DEFB108B: variants seen among roughly 807,000 people sequenced by gnomAD.
DEFB108B encodes defensin beta 108B.
In DEFB108B, 3 loss-of-function variants were observed where a neutral mutation model predicts 2.4. That is an observed-to-expected ratio of 1.25 (90% CI 0.57 to 3.24). The LOEUF (loss-of-function observed/expected upper bound fraction) is 3.24, where lower values mean the gene tolerates loss of function less well. Among genes scored for constraint, DEFB108B ranks in the 30% most tolerant of loss-of-function variants. DEFB108B has a pLI of 0.03. For synonymous variants in DEFB108B, 25 were observed against 28.7 expected (o/e 0.87, Z 0.41); for missense variants, 101 against 87.8 (o/e 1.15, Z -0.60).
At position 71,837,476 on chromosome 11, in the gene DEFB108B, G is replaced by A; in HGVS notation, c.136G>A (p.Val46Ile). ...RDFCLETEIH[V>I]GRCLNSQPCC... ...CTTTTGCCTTGAAACAGAAATCCATGTTGGGAGATGTTTAAATAGCCAACC... is the reference window on the plus strand; with the variant it reads ...CTTTTGCCTTGAAACAGAAATCCATATTGGGAGATGTTTAAATAGCCAACC... Residue 46 changes from valine to isoleucine, a missense_variant, in exon 2 of 2, where the codon GTT becomes ATT. By Grantham distance (29) the Val-to-Ile change is conservative. Coordinates refer to ENST00000328698, the MANE Select transcript of DEFB108B (RefSeq NM_001002035.2). 1.2e-6 allele frequency: 2 copies of A among 1,611,988 alleles called. No homozygotes were observed. The highest frequency in any genetic ancestry group is 1.7e-6 in the Non-Finnish European group (2 of 1,179,854).
Position 71,837,276 on chromosome 11 carries a change from A to T in DEFB108B, c.59-123A>T, listed in dbSNP as rs535428713. 2.5e-5 allele frequency: 30 copies of T among 1,215,600 alleles called. No homozygotes were observed. In the Admixed American group the frequency reaches 3.2e-4, roughly 13 times the overall value. The allele number at this position is 1,215,600 out of a possible 1,614,324, so 75.3% of individuals were successfully genotyped here. Reference sequence around the variant, plus strand: ...GTTTAAGAAATCAAATCACACACACACACACACACACACACAAATCCACAC... The same window carrying T: ...GTTTAAGAAATCAAATCACACACACTCACACACACACACACAAATCCACAC... On this transcript the variant is annotated intron_variant, in intron 1 of 1. Coordinates refer to ENST00000328698, the MANE Select transcript of DEFB108B (RefSeq NM_001002035.2).
intron 1 of DEFB108B, among the ~76,000 whole-genome samples, chr11:71,835,318 T>C (rs1049001735): frequency 1.3e-5 from 2 of 152,160 alleles, no homozygotes; most frequent in African/African-American, 4.8e-5. Context: ...GGCCCCCCCT[T>C]ATAACTGAGA....
chr11:71,837,488 TTAAATAG>T lies in DEFB108B; in HGVS notation c.149_155del (p.Leu50SerfsTer?). 2 of 1,611,928 alleles carry T rather than the reference TTAAATAG, an allele frequency of 1.2e-6. No homozygotes were observed. The highest frequency in any genetic ancestry group is 1.7e-6 in the Non-Finnish European group (2 of 1,179,832). On this transcript the variant is annotated frameshift_variant, in exon 2 of 2. Transcript: ENST00000328698. LOFTEE classifies it low-confidence loss of function (END_TRUNC). Reference sequence around the variant, plus strand: ...AACAGAAATCCATGTTGGGAGATGTTTAAATAGCCAACCCTGCTGCCTGCCTCTGGGG... The same window carrying T: ...AACAGAAATCCATGTTGGGAGATGTTCCAACCCTGCTGCCTGCCTCTGGGG...
At chr11:71,834,598 C>A (rs552875558) in intron 1 of DEFB108B, 2 of 152,326 alleles carry the variant, frequency 1.3e-5, no homozygotes, top group African/African-American at 4.8e-5. Context: ...GAAGAAAACA[C>A]AGGATGGTGC....
chr11:71,837,183 C>T (rs1429835217), intron 1 of DEFB108B: 2 of 592,998 alleles, frequency 3.4e-6, no homozygotes, highest in African/African-American at 3.8e-5. Context: ...GTAGGTGCAC[C>T]CAATATTCTC....
At chr11:71,835,359 A>C (rs1952209899) in intron 1 of DEFB108B, among the ~76,000 whole-genome samples, 2 of 152,114 alleles carry the variant, frequency 1.3e-5, no homozygotes, top group Admixed American at 1.3e-4. Flanking sequence ...TGTTCCTGAG[A>C]TAATTTGCTT....
rs1489874619 is a variant in DEFB108B at position 71,833,314 on chromosome 11, C to T, written c.58+57C>T. ...CCTAACACCTTACAGGGATTCAATA[C>T]TCAAAGAGAAATCACCATCACCTAT... On this transcript the variant is annotated intron_variant, in intron 1 of 1. Transcript: ENST00000328698. 5 of 1,574,366 alleles carry T rather than the reference C, an allele frequency of 3.2e-6. No homozygotes were observed. In the East Asian group the frequency reaches 6.7e-5, roughly 21 times the overall value.
intron 1 of DEFB108B, among the ~76,000 whole-genome samples, chr11:71,835,216 T>C (rs1368900535): frequency 6.6e-6 from 1 of 152,124 alleles, no homozygotes; most frequent in Non-Finnish European, 1.5e-5. Context: ...ACCTAAAGGG[T>C]AGCTTTTCAG....
intron 1 of DEFB108B, 118 bp downstream of exon 1, chr11:71,833,375 A>G: frequency 6.7e-7 from 1 of 1,484,598 alleles, no homozygotes; most frequent in Non-Finnish European, 9.1e-7. Flanking sequence ...AATCTGGAAG[A>G]CTCATTGGCT....
At chr11:71,834,150 A>G (rs1030882221) in intron 1 of DEFB108B, among the ~76,000 whole-genome samples, 26 of 152,296 alleles carry the variant, frequency 1.7e-4, no homozygotes, top group African/African-American at 6.3e-4. Flanking sequence ...CTTTGTTTTA[A>G]TATCCTGGCT....
At chr11:71,834,452 A>T (rs1230889632) in intron 1 of DEFB108B, among the ~76,000 whole-genome samples, 1 of 152,230 alleles carries the variant, frequency 6.6e-6, no homozygotes, top group Non-Finnish European at 1.5e-5. Flanking sequence ...CAAGGTTTAA[A>T]AATTCCAAAT....
intron 1 of DEFB108B, among the ~76,000 whole-genome samples, chr11:71,834,172 A>C (rs1412814052): frequency 6.6e-6 from 1 of 152,192 alleles, no homozygotes; most frequent in Admixed American, 6.5e-5. Context: ...TCCCTAATAC[A>C]TCCCACCCTG....
chr11:71,833,724 T>C (rs184152290), intron 1 of DEFB108B, among the ~76,000 whole-genome samples: 1 of 152,302 alleles, frequency 6.6e-6, no homozygotes, highest in African/African-American at 2.4e-5. Flanking sequence ...TGCTCCCCAA[T>C]ACTGTTGGTC....
chr11:71,834,363 T>A (rs1459633497), intron 1 of DEFB108B, among the ~76,000 whole-genome samples: 1 of 152,254 alleles, frequency 6.6e-6, no homozygotes, highest in African/African-American at 2.4e-5. Flanking sequence ...AATACATGGG[T>A]TTGATTTTTT....
chr11:71,837,684 A>G lies in DEFB108B; in HGVS notation c.*122A>G. On this transcript the variant is annotated 3_prime_UTR_variant, in exon 2 of 2. Transcript: ENST00000328698. ...GATTTTTATTGAATCCTCAAAAAAG[A>G]ATAAACCAAAACCAACCAGCACAAA... The G allele has an allele frequency of 1.5e-6, 2 of 1,326,222 alleles. No individual in the cohort carries two copies. Among genetic ancestry groups the G allele is most frequent in the Non-Finnish European group, 2.0e-6 (2 of 980,766 alleles). 82.2% of individuals were successfully genotyped at this position (1,326,222 alleles called of 1,614,324 possible). A position where few individuals can be genotyped will look rare whatever the true frequency, so the allele number is the denominator to read the frequency against.
At chr11:71,836,565 A>C (rs1224656153) in intron 1 of DEFB108B, among the ~76,000 whole-genome samples, 7 of 152,196 alleles carry the variant, frequency 4.6e-5, no homozygotes, top group Non-Finnish European at 1.0e-4. Context: ...TTCAAACTAA[A>C]TACCTCAGTG....
chr11:71,836,509 A>G (rs907528946), intron 1 of DEFB108B, among the ~76,000 whole-genome samples: 1 of 152,228 alleles, frequency 6.6e-6, no homozygotes, highest in Non-Finnish European at 1.5e-5. Context: ...GTCATGGAAA[A>G]GGTGCTCTGT....
chr11:71,833,228 T>A lies in DEFB108B; in HGVS notation c.29T>A (p.Ile10Asn), dbSNP rs1565106744. ...AGGATTGCTGTCCTCCTCTTCGCCATTTTCTTCTTTATGAGCCAAGTTCTA... is the reference window on the plus strand; with the variant it reads ...AGGATTGCTGTCCTCCTCTTCGCCAATTTCTTCTTTATGAGCCAAGTTCTA... MRIAVLLFA[I>N]FFFMSQVLPA... Residue 10 changes from isoleucine (I) to asparagine (N), a missense_variant, in exon 1 of 2, where the codon ATT becomes AAT. Ile to Asn is a moderately radical substitution (Grantham distance 149). Coordinates refer to ENST00000328698, the MANE Select transcript of DEFB108B (RefSeq NM_001002035.2). The A allele has an allele frequency of 1.9e-6, 3 of 1,600,376 alleles. No homozygotes were observed. The highest frequency in any genetic ancestry group is 2.6e-6 in the Non-Finnish European group (3 of 1,171,496).
intron 1 of DEFB108B, among the ~76,000 whole-genome samples, chr11:71,835,628 A>T: frequency 6.6e-6 from 1 of 152,196 alleles, no homozygotes; most frequent in Non-Finnish European, 1.5e-5. Context: ...GTCAAATGGT[A>T]GTTCTGTATT....
Sources: gnomAD v4.1 joint callset for allele counts (sites outside exome capture counted in the v4.1 genomes callset) on GRCh38, gnomAD v4.1.1 for gene constraint, MANE v1.5 for transcripts, NCBI Gene and HGNC (gene_info 2026-07-23, HGNC 2026-07-21) for gene names.